Variants in SUGCT observed in about 807,000 individuals in gnomAD.
SUGCT encodes succinyl-CoA:glutarate CoA-transferase.
Under a neutral mutation model 55.0 loss-of-function variants are expected in SUGCT, and 41 were observed. That is an observed-to-expected ratio of 0.74 (90% CI 0.58 to 0.97). The LOEUF (loss-of-function observed/expected upper bound fraction) is 0.97, where lower values mean the gene tolerates loss of function less well. SUGCT is among the 50% of genes least tolerant of loss of function. The probability of loss-of-function intolerance (pLI) is 0.00; values close to 1 mark genes in which losing one functional copy is unlikely to be tolerated. For missense variants in SUGCT, 568 were observed against 547.8 expected (o/e 1.04, Z -0.37); for synonymous variants, 187 against 200.4 (o/e 0.93, Z 0.56).
chr7:40,342,682 G>A lies in SUGCT; in HGVS notation c.816+25827G>A, dbSNP rs372526873. 1.3e-3 allele frequency among the ~76,000 whole-genome samples: 192 copies of A among 150,634 alleles called. 6 individuals carry two copies. The South Asian group carries it at 0.039, about 30-fold the overall frequency. On this transcript the variant is annotated intron_variant, in intron 9 of 13. Transcript: ENST00000335693. ...TTTTGAGGCAGAGTCTTGCTCTGTT[G>A]CCTAGGCTGGAGTGCAGTGGCGTGA...
At chr7:40,855,157 C>T (rs1165707542) in intron 13 of SUGCT, among the ~76,000 whole-genome samples, 3 of 151,336 alleles carry the variant, frequency 2.0e-5, no homozygotes, top group South Asian at 4.2e-4. Flanking sequence ...TATGTGATGT[C>T]AAGATGTAAA....
chr7:40,498,688 T>C (rs147646207), intron 12 of SUGCT, among the ~76,000 whole-genome samples: 4 of 152,314 alleles, frequency 2.6e-5, no homozygotes, highest in African/African-American at 9.6e-5. Flanking sequence ...GCATCTGAGA[T>C]ACTGTTTATG....
intron 12 of SUGCT, among the ~76,000 whole-genome samples, chr7:40,582,629 CCT>C (rs1423745448): frequency 6.6e-6 from 1 of 152,126 alleles, no homozygotes; most frequent in Non-Finnish European, 1.5e-5. Flanking sequence ...TCCTCCTCAT[CCT>C]CTGTTAATTG....
At chr7:40,368,630 T>C (rs1231497611) in intron 9 of SUGCT, among the ~76,000 whole-genome samples, 2 of 152,220 alleles carry the variant, frequency 1.3e-5, no homozygotes, top group Non-Finnish European at 2.9e-5. Context: ...ATTGAACGTA[T>C]ACCTAGGTCT....
intron 12 of SUGCT, among the ~76,000 whole-genome samples, chr7:40,600,459 G>A (rs1271435317): frequency 6.6e-6 from 1 of 152,182 alleles, no homozygotes; most frequent in Non-Finnish European, 1.5e-5. Context: ...TTTTGTTAAT[G>A]TTACAAGGTT....
At chr7:40,717,991 A>G (rs1464441211) in intron 12 of SUGCT, among the ~76,000 whole-genome samples, 1 of 152,156 alleles carries the variant, frequency 6.6e-6, no homozygotes. Context: ...ATGAAAAGTT[A>G]TTTTCTATTT....
At chr7:40,581,327 A>G (rs957397980) in intron 12 of SUGCT, among the ~76,000 whole-genome samples, 1 of 152,214 alleles carries the variant, frequency 6.6e-6, no homozygotes, top group Non-Finnish European at 1.5e-5. Flanking sequence ...TTAGATGAGG[A>G]AATATGACAC....
At chr7:41,035,980 G>A in the SUGCT span, among the ~76,000 whole-genome samples, 918 of 152,312 alleles carry the variant, frequency 6.0e-3, 2 homozygotes, top group Non-Finnish European at 9.9e-3. Context: ...GGAACCCCCT[G>A]TGGTTTTGTC....
chr7:40,658,327 C>T (rs1029989450), intron 12 of SUGCT, among the ~76,000 whole-genome samples: 5 of 152,076 alleles, frequency 3.3e-5, no homozygotes, highest in Non-Finnish European at 7.4e-5. Context: ...TATGTTGAAC[C>T]CCTTCCCCCT....
At chr7:40,605,310 A>G (rs555024848) in intron 12 of SUGCT, among the ~76,000 whole-genome samples, 14 of 152,368 alleles carry the variant, frequency 9.2e-5, no homozygotes, top group African/African-American at 3.4e-4. Context: ...TCAGTGGCAC[A>G]ATACACCAAA....
intron 12 of SUGCT, among the ~76,000 whole-genome samples, chr7:40,680,147 AG>A (rs1784172146): frequency 2.0e-5 from 3 of 152,284 alleles, no homozygotes; most frequent in African/African-American, 7.2e-5. Context: ...CAGAATAGGG[AG>A]GAAGGATTTA....
chr7:40,971,647 G>A, the SUGCT span, among the ~76,000 whole-genome samples: 35 of 152,168 alleles, frequency 2.3e-4, no homozygotes, highest in African/African-American at 8.2e-4. Flanking sequence ...GGCATAATTG[G>A]CACCTCAGAT....
the SUGCT span, among the ~76,000 whole-genome samples, chr7:40,898,250 A>T: frequency 6.6e-6 from 1 of 152,168 alleles, no homozygotes; most frequent in East Asian, 1.9e-4. Flanking sequence ...TTCACTCGTG[A>T]GTTCAGAGAT....
At chr7:40,444,495 G>A (rs1788700652) in intron 9 of SUGCT, among the ~76,000 whole-genome samples, 1 of 152,066 alleles carries the variant, frequency 6.6e-6, no homozygotes, top group South Asian at 2.1e-4. Flanking sequence ...ATTGTGAATG[G>A]GTGTTCACTC....
At chr7:41,022,163 A>T in the SUGCT span, among the ~76,000 whole-genome samples, 1 of 152,214 alleles carries the variant, frequency 6.6e-6, no homozygotes. Flanking sequence ...TTGTATGTGA[A>T]CAATGGACTG....
At chr7:40,186,803 G>A (rs981030142) in intron 3 of SUGCT, among the ~76,000 whole-genome samples, 1 of 152,084 alleles carries the variant, frequency 6.6e-6, no homozygotes, top group African/African-American at 2.4e-5. Flanking sequence ...TTGGTCTTTT[G>A]TTCACTGCTG....
At chr7:40,456,058 C>G (rs1789468050) in intron 10 of SUGCT, among the ~76,000 whole-genome samples, 1 of 152,054 alleles carries the variant, frequency 6.6e-6, no homozygotes. Flanking sequence ...TGGAGTCTTG[C>G]TCTATTGCCC....
intron 12 of SUGCT, among the ~76,000 whole-genome samples, chr7:40,666,160 G>A (rs1305407977): frequency 1.3e-5 from 2 of 151,784 alleles, no homozygotes; most frequent in Non-Finnish European, 2.9e-5. Context: ...GACCATCCTG[G>A]CCAACATGGT....
At chr7:40,870,456 T>C in the SUGCT span, among the ~76,000 whole-genome samples, 1 of 152,302 alleles carries the variant, frequency 6.6e-6, no homozygotes, top group East Asian at 1.9e-4. Flanking sequence ...TGTGGCTCTA[T>C]TCAGGGCCCA....
Sources: allele counts gnomAD v4.1 joint callset (sites outside exome capture counted in the v4.1 genomes callset), GRCh38; gene constraint gnomAD v4.1.1; transcripts MANE v1.5; gene names NCBI Gene and HGNC (gene_info 2026-07-23, HGNC 2026-07-21).